ATRN: variants seen among roughly 807,000 people sequenced by gnomAD.
ATRN encodes the protein attractin-2.
In ATRN, 54 loss-of-function variants were observed where a neutral mutation model predicts 178.7. The ratio of observed to expected loss-of-function variants is 0.30; its 90% CI spans 0.24 to 0.38. ATRN has a LOEUF of 0.38. ATRN is among the 10% of genes least tolerant of loss of function. ATRN has a pLI of 1.00. For missense variants in ATRN, 1,443 were observed against 1,815.1 expected, an observed-to-expected ratio of 0.79 and a Z score of 3.73; for synonymous variants, 636 against 663.0, an observed-to-expected ratio of 0.96 and a Z score of 0.63.
intron 6 of ATRN, among the ~76,000 whole-genome samples, chr20:3,550,904 T>C (rs1216031371): frequency 6.6e-6 from 1 of 152,164 alleles, no homozygotes; most frequent in Non-Finnish European, 1.5e-5. Context: ...CCTCAGCAAG[T>C]CATTTGTGTG....
At chr20:3,489,493 T>G in intron 1 of ATRN, 1 of 1,177,070 alleles carries the variant, frequency 8.5e-7, no homozygotes, top group Non-Finnish European at 1.3e-6. Flanking sequence ...CAGGGAAGCC[T>G]GGGCTAGCCC....
At chr20:3,495,147 T>C (rs1007081313) in intron 1 of ATRN, among the ~76,000 whole-genome samples, 4 of 152,208 alleles carry the variant, frequency 2.6e-5, no homozygotes, top group African/African-American at 7.2e-5. Flanking sequence ...ATGAATCTTT[T>C]TCTTTGTATT....
chr20:3,584,141 C>G lies in ATRN; in HGVS notation c.2950+58C>G, dbSNP rs1396589968. The stretch of plus-strand genomic sequence containing the variant: ...CATGCCCTCTGTATAGGCAACAACT[C>G]AGCCATGAGGCTGTGCTGTCAGCCT... On this transcript the variant is annotated intron_variant, in intron 17 of 28. Transcript: ENST00000262919. 5.2e-6 allele frequency: 8 copies of G among 1,536,144 alleles called. No homozygotes were observed. The African/African-American group carries it at 9.6e-5, about 18-fold the overall frequency.
At position 3,632,047 on chromosome 20, in the gene ATRN, T is replaced by C. The variant is rs1275328751; in HGVS notation, c.3864-2264T>C. On this transcript the variant is annotated intron_variant, in intron 25 of 28. Coordinates refer to ENST00000262919, the MANE Select transcript of ATRN (RefSeq NM_139321.3). The surrounding 1 kb of genome is among the most constrained non-coding windows in gnomAD (Gnocchi z 4.2). ...GAAATACCATATATATCCTTATGCC[T>C]TCCAAATGCCATGCCCAGCCCAGAC... Among the ~76,000 whole-genome samples the C allele has an allele frequency of 1.3e-5, 2 of 152,136 alleles. No individual in the cohort carries two copies. Among genetic ancestry groups the C allele is most frequent in the African/African-American group, 4.8e-5 (2 of 41,414 alleles).
intron 1 of ATRN, among the ~76,000 whole-genome samples, chr20:3,524,234 CAAAAA>C (rs761056301): frequency 2.1e-5 from 2 of 96,320 alleles, no homozygotes; most frequent in Non-Finnish European, 2.4e-5. Context: ...AAATGGAAGC[CAAAAA>C]AAAAAAAAAA....
intron 16 of ATRN, among the ~76,000 whole-genome samples, chr20:3,583,179 G>C (rs924710832): frequency 6.6e-6 from 1 of 152,238 alleles, no homozygotes; most frequent in Admixed American, 6.5e-5. Context: ...CTGCCCAGCA[G>C]CCTTTCAGAA....
At chr20:3,510,021 A>T (rs926002256) in intron 1 of ATRN, among the ~76,000 whole-genome samples, 1 of 152,178 alleles carries the variant, frequency 6.6e-6, no homozygotes, top group Admixed American at 6.5e-5. Context: ...TAAACTATAT[A>T]TATCGTGGCT....
At chr20:3,502,356 A>G (rs1182397505) in intron 1 of ATRN, among the ~76,000 whole-genome samples, 1 of 152,140 alleles carries the variant, frequency 6.6e-6, no homozygotes, top group East Asian at 1.9e-4. Flanking sequence ...AAAGACACCC[A>G]AAGGAGAATT....
intron 26 of ATRN, among the ~76,000 whole-genome samples, chr20:3,636,162 A>G (rs925968697): frequency 1.3e-5 from 2 of 152,252 alleles, no homozygotes; most frequent in Non-Finnish European, 2.9e-5. Context: ...GCAAAGGAAC[A>G]GATGGAAAGC....
chr20:3,575,683 C>A, intron 12 of ATRN, 144 bp from the exon 13 acceptor site: 1 of 883,400 alleles, frequency 1.1e-6, no homozygotes, highest in Non-Finnish European at 1.7e-6. Context: ...ATTATTTTAA[C>A]CAGAACATAC....
At chr20:3,562,164 A>G (rs894198201) in intron 8 of ATRN, 112 bp from the exon 9 acceptor site, 26 of 853,512 alleles carry the variant, frequency 3.0e-5, no homozygotes, top group Non-Finnish European at 4.0e-5. Context: ...ATAAAAAAGT[A>G]TATGTATCAG....
chr20:3,567,249 G>T (rs2086049476), intron 11 of ATRN, among the ~76,000 whole-genome samples: 1 of 152,146 alleles, frequency 6.6e-6, no homozygotes, highest in Non-Finnish European at 1.5e-5. Context: ...TCATGCCTGT[G>T]GGAGCCTGGC....
In ATRN at chr20:3,638,155, G is replaced by A. The variant is rs1444773745; in HGVS notation, c.3943-673G>A. 6.6e-6 allele frequency among the ~76,000 whole-genome samples: 1 copy of A among 152,134 alleles called. No homozygotes were observed. The highest frequency in any genetic ancestry group is 6.5e-5 in the Admixed American group (1 of 15,276). On this transcript the variant is annotated intron_variant, in intron 26 of 28. Coordinates refer to ENST00000262919, the MANE Select transcript of ATRN (RefSeq NM_139321.3). The surrounding 1 kb of genome is among the most constrained non-coding windows in gnomAD (Gnocchi z 4.5). ...TTTTACTTTAAGTTCTGGGATACAT[G>A]TACAGAACATGTAGATTTGTTACAT...
At chr20:3,577,837 T>C (rs2086232886) in intron 14 of ATRN, among the ~76,000 whole-genome samples, 1 of 152,340 alleles carries the variant, frequency 6.6e-6, no homozygotes, top group African/African-American at 2.4e-5. Context: ...TTGTCTGTTC[T>C]TAAATGATCT....
chr20:3,649,209 A>G lies in ATRN; in HGVS notation c.*2362A>G, dbSNP rs749794012. 6.6e-6 allele frequency: 1 copy of G among 152,508 alleles called. No individual in the cohort carries two copies. Among genetic ancestry groups the G allele is most frequent in the Non-Finnish European group, 1.5e-5 (1 of 68,038 alleles). 9.4% of individuals were successfully genotyped at this position (152,508 alleles called of 1,614,324 possible). On this transcript the variant is annotated 3_prime_UTR_variant, in exon 29 of 29. Transcript: ENST00000262919. ...GCGCTGGGCTCGGAGCCTGTTTCCA[A>G]GAAGGAATTGGTTGTCATCTGGCAG...
At chr20:3,620,883 T>G (rs948770546) in intron 24 of ATRN, among the ~76,000 whole-genome samples, 3 of 152,216 alleles carry the variant, frequency 2.0e-5, no homozygotes, top group African/African-American at 7.2e-5. Context: ...TAGACCAAGT[T>G]TGTCCAACCC....
At chr20:3,578,835 G>A in intron 15 of ATRN, 63 bp downstream of exon 15, 1 of 1,471,940 alleles carries the variant, frequency 6.8e-7, no homozygotes, top group Non-Finnish European at 9.2e-7. Context: ...GGGCATGACT[G>A]CAGCTTGCAT....
intron 1 of ATRN, among the ~76,000 whole-genome samples, chr20:3,489,051 C>T (rs2084739475): frequency 6.6e-6 from 1 of 152,156 alleles, no homozygotes; most frequent in Non-Finnish European, 1.5e-5. Flanking sequence ...ACCTCCGCCT[C>T]CTGGGTTCAA....
intron 1 of ATRN, chr20:3,490,526 A>G (rs2084774922): frequency 1.7e-6 from 2 of 1,194,368 alleles, no homozygotes; most frequent in South Asian, 2.4e-5. Flanking sequence ...TCAGAGATGG[A>G]CAGGTATGTG....
Sources: allele counts gnomAD v4.1 joint callset (sites outside exome capture counted in the v4.1 genomes callset), GRCh38; gene constraint gnomAD v4.1.1; non-coding constraint Gnocchi (gnomAD v3.1); transcripts MANE v1.5; gene names NCBI Gene and HGNC (gene_info 2026-07-23, HGNC 2026-07-21).